The following RRP12 variants were observed in gnomAD, a reference collection of about 807,000 sequenced individuals.
RRP12 encodes ribosomal RNA processing 12 homolog.
In RRP12, 78 loss-of-function variants were observed where a neutral mutation model predicts 157.3. That is an observed-to-expected ratio of 0.50 (90% CI 0.41 to 0.60). The LOEUF is 0.60. RRP12 is among the 20% of genes least tolerant of loss of function. The pLI is 0.00. For missense variants in RRP12, 1,521 were observed against 1,679.9 expected (o/e 0.91, Z 1.65); for synonymous variants, 726 against 670.9 (o/e 1.08, Z -1.27).
intron 1 of RRP12, 52 bp downstream of exon 1, chr10:97,401,040 CA>C: frequency 6.3e-6 from 10 of 1,596,162 alleles, no homozygotes; most frequent in Non-Finnish European, 8.5e-6. Context: ...CATCTGGACC[CA>C]GGTCTGCCTG....
At chr10:97,396,185 C>G in intron 3 of RRP12, 33 bp downstream of exon 3, 2 of 1,505,432 alleles carry the variant, frequency 1.3e-6, no homozygotes, top group Non-Finnish European at 1.8e-6. Flanking sequence ...ACCTGCTGCT[C>G]TGAACACCCA....
At chr10:97,361,717 G>A (rs1564747538) in intron 30 of RRP12, among the ~76,000 whole-genome samples, 1 of 152,186 alleles carries the variant, frequency 6.6e-6, no homozygotes, top group South Asian at 2.1e-4. Flanking sequence ...CTGGCTCTTG[G>A]TTCAGCTGGT....
rs1016742464 is a variant in RRP12 at position 97,364,517 on chromosome 10, A to G, written c.3518-614T>C. ...GAGGATCACCTGAGGTCAGGAGTTC[A>G]AGACCAGTCTGCAACATGGCAAAAC... On this transcript the variant is annotated intron_variant, in intron 29 of 33. Coordinates refer to ENST00000370992, the MANE Select transcript of RRP12 (RefSeq NM_015179.4). Among the ~76,000 whole-genome samples, 4 of 152,210 alleles carry G rather than the reference A, an allele frequency of 2.6e-5. No homozygotes were observed. In the East Asian group the frequency reaches 7.7e-4, roughly 29 times the overall value.
At chr10:97,393,195 A>C in intron 4 of RRP12, 1 of 425,372 alleles carries the variant, frequency 2.4e-6, no homozygotes, top group Non-Finnish European at 4.7e-6. Context: ...CATTTTCAAT[A>C]GAGCTTTCTG....
intron 6 of RRP12, among the ~76,000 whole-genome samples, chr10:97,389,851 T>G (rs1268158253): frequency 2.0e-5 from 3 of 152,114 alleles, no homozygotes; most frequent in Admixed American, 6.6e-5. Context: ...TAGCTGGGAT[T>G]ACAAGCACCC....
At chr10:97,395,850 C>CAAA (rs548342202) in intron 3 of RRP12, among the ~76,000 whole-genome samples, 1 of 105,364 alleles carries the variant, frequency 9.5e-6, no homozygotes, top group Non-Finnish European at 2.1e-5. Flanking sequence ...GACTCCGCCT[C>CAAA]AAAAAAAAAA....
intron 1 of RRP12, among the ~76,000 whole-genome samples, 165 bp from the exon 2 acceptor site, chr10:97,400,699 C>A (rs1027934152): frequency 6.6e-6 from 1 of 152,102 alleles, no homozygotes; most frequent in Admixed American, 6.6e-5. Context: ...ACTTGAAAAA[C>A]CAAGGAGAAA....
At chr10:97,356,410 G>A (rs1843717400), downstream of RRP12, 1 of 152,272 alleles carries the variant, frequency 6.6e-6, no homozygotes, top group Non-Finnish European at 1.5e-5. Flanking sequence ...ATACTTTGTT[G>A]AATCAATGAA....
At chr10:97,387,030 G>T (rs181150540) in intron 8 of RRP12, among the ~76,000 whole-genome samples, 4 of 151,896 alleles carry the variant, frequency 2.6e-5, no homozygotes, top group Non-Finnish European at 5.9e-5. Flanking sequence ...GTTGGCGGGG[G>T]TATCTGTGGG....
chr10:97,367,552 C>G (rs1300765723), intron 25 of RRP12, among the ~76,000 whole-genome samples: 6 of 152,164 alleles, frequency 3.9e-5, no homozygotes, highest in Non-Finnish European at 8.8e-5. Flanking sequence ...TGCTGCGGCT[C>G]CCGCTTTGCC....
At chr10:97,366,674 C>T (rs1045931306) in intron 27 of RRP12, 53 bp from the exon 28 acceptor site, 25 of 1,597,700 alleles carry the variant, frequency 1.6e-5, no homozygotes, top group East Asian at 9.0e-5. Context: ...CGGGGGTCAG[C>T]GGGTATTGCC....
chr10:97,370,338 A>G, intron 23 of RRP12, 64 bp from the exon 24 acceptor site: 1 of 1,396,658 alleles, frequency 7.2e-7, no homozygotes, highest in Non-Finnish European at 9.9e-7. Context: ...GCTGAGGGCC[A>G]GAGAGGAGCA....
At chr10:97,367,405 T>C (rs1232226102) in intron 25 of RRP12, 1 of 520,772 alleles carries the variant, frequency 1.9e-6, no homozygotes, top group Non-Finnish European at 3.4e-6. Flanking sequence ...TTGACATATA[T>C]CCTCTCCTTG....
At chr10:97,363,806 C>G in intron 30 of RRP12, 48 bp downstream of exon 30, 1 of 1,537,478 alleles carries the variant, frequency 6.5e-7, no homozygotes, top group Non-Finnish European at 9.0e-7. Flanking sequence ...CTGTGGAGCC[C>G]AGGCTTAGGT....
In RRP12 at chr10:97,388,600, C is replaced by T; in HGVS notation, c.778G>A (p.Val260Ile). The T allele has an allele frequency of 6.2e-7, 1 of 1,614,228 alleles. No individual in the cohort carries two copies. The highest frequency in any genetic ancestry group is 1.1e-5 in the South Asian group (1 of 91,084). ...PKIRKAAQHG[V>I]CSVLKGSEFM... Reference sequence around the variant, plus strand: ...TCACTGCCCTTGAGGACTGAGCATACTCCATGCTGGGCAGCCTTCCGGATC... The same window carrying T: ...TCACTGCCCTTGAGGACTGAGCATATTCCATGCTGGGCAGCCTTCCGGATC... Residue 260 changes from valine to isoleucine, a missense_variant, in exon 7 of 34, where the codon GTA (valine) becomes ATA (isoleucine). Physicochemically the swap from Val to Ile is conservative, Grantham distance 29 (BLOSUM62 3). Coordinates refer to ENST00000370992, the MANE Select transcript of RRP12 (RefSeq NM_015179.4).
At chr10:97,373,982 T>G in intron 15 of RRP12, 88 bp from the exon 16 acceptor site, 1 of 1,081,356 alleles carries the variant, frequency 9.2e-7, no homozygotes, top group Non-Finnish European at 1.4e-6. Flanking sequence ...AGCCCAATGA[T>G]GAGGACAGGA....
downstream of RRP12, chr10:97,356,520 T>A (rs1843719647): frequency 1.3e-5 from 2 of 152,312 alleles, no homozygotes; most frequent in Admixed American, 6.5e-5. Flanking sequence ...CTGCCCCTCC[T>A]GACACAGGTG....
At chr10:97,393,448 A>C (rs1844865789) in intron 4 of RRP12, 4 of 662,982 alleles carry the variant, frequency 6.0e-6, no homozygotes, top group Non-Finnish European at 1.1e-5. Flanking sequence ...CCTTCTTGGC[A>C]TAAAGGTAAA....
chr10:97,385,807 G>A, intron 9 of RRP12, 88 bp downstream of exon 9: 1 of 953,306 alleles, frequency 1.0e-6, no homozygotes, highest in East Asian at 2.6e-5. Context: ...TCACTCTGTA[G>A]ACAAGGCGCA....
Sources: gnomAD v4.1 joint callset for allele counts (sites outside exome capture counted in the v4.1 genomes callset) on GRCh38, gnomAD v4.1.1 for gene constraint, MANE v1.5 for transcripts, NCBI Gene and HGNC (gene_info 2026-07-23, HGNC 2026-07-21) for gene names.